Variants in SRBD1 observed in about 807,000 individuals in gnomAD.
The protein encoded by SRBD1 is S1 RNA binding domain 1.
In SRBD1, 88 loss-of-function variants were observed where a neutral mutation model predicts 115.3. The observed-to-expected ratio is 0.76, with a 90% CI of 0.64 to 0.91. SRBD1 has a LOEUF of 0.91. Among genes scored for constraint, SRBD1 ranks in the 40% least tolerant of loss-of-function variants. SRBD1 has a pLI of 0.00. For missense variants in SRBD1, 1,385 were observed against 1,177.4 expected, an observed-to-expected ratio of 1.18 and a Z score of -2.58; for synonymous variants, 509 against 407.7, an observed-to-expected ratio of 1.25 and a Z score of -2.99.
chr2:45,431,019 G>A (rs542018583), intron 16 of SRBD1, among the ~76,000 whole-genome samples: 9 of 152,142 alleles, frequency 5.9e-5, no homozygotes, highest in South Asian at 2.1e-4. Flanking sequence ...ACATTTATGC[G>A]GCCAACAAAC....
Position 45,553,719 on chromosome 2 carries a change from C to A in SRBD1, c.1421G>T (p.Arg474Leu), listed in dbSNP as rs536689903. The change falls in exon 11 of 21, where the codon CGT (arginine) becomes CTT (leucine). Residue 474 changes from arginine (R) to leucine (L), a missense_variant. Arg to Leu is a moderately radical substitution (Grantham distance 102). Transcript: ENST00000263736. ...CATTAACTCTGGCCTTGCAAAGCTACGTGGTCTCCACCTGCAAAACAGAAA... is the reference window on the plus strand; with the variant it reads ...CATTAACTCTGGCCTTGCAAAGCTAAGTGGTCTCCACCTGCAAAACAGAAA... ...RWCIQNRWRP[R>L]SFARPELMKI... The A allele has an allele frequency of 3.1e-6, 5 of 1,589,748 alleles. No homozygotes were observed. The Middle Eastern group carries it at 5.0e-4, about 160-fold the overall frequency.
intron 16 of SRBD1, among the ~76,000 whole-genome samples, chr2:45,459,036 C>T (rs1669235420): frequency 6.6e-6 from 1 of 152,050 alleles, no homozygotes; most frequent in African/African-American, 2.4e-5. Context: ...AACCGATAAC[C>T]AGATCATGCA....
chr2:45,457,007 A>G (rs546422483), intron 16 of SRBD1, among the ~76,000 whole-genome samples: 20 of 151,996 alleles, frequency 1.3e-4, no homozygotes, highest in Non-Finnish European at 2.9e-4. Context: ...AATAAAGGTC[A>G]TGGATATTAA....
intron 14 of SRBD1, among the ~76,000 whole-genome samples, chr2:45,537,135 C>T (rs1389631589): frequency 6.6e-6 from 1 of 152,034 alleles, no homozygotes; most frequent in Non-Finnish European, 1.5e-5. Context: ...TAGGCTCATA[C>T]GACACAGAAA....
chr2:45,552,906 A>G (rs1446903127), intron 11 of SRBD1, among the ~76,000 whole-genome samples: 4 of 152,220 alleles, frequency 2.6e-5, no homozygotes, highest in Admixed American at 6.5e-5. Context: ...TAAAAATTCT[A>G]GAGAGGTTGA....
chr2:45,562,840 A>G, intron 9 of SRBD1, 84 bp from the exon 10 acceptor site: 1 of 801,828 alleles, frequency 1.2e-6, no homozygotes, highest in Non-Finnish European at 1.9e-6. Context: ...CAGCTATATG[A>G]ATTTTTTACT....
chr2:45,412,756 T>C (rs983027495), intron 19 of SRBD1, among the ~76,000 whole-genome samples: 3 of 152,190 alleles, frequency 2.0e-5, no homozygotes, highest in African/African-American at 7.2e-5. Context: ...GCTGAGTTGG[T>C]TGTTTACTTT....
intron 14 of SRBD1, among the ~76,000 whole-genome samples, chr2:45,499,287 T>C (rs944294762): frequency 6.6e-6 from 1 of 152,326 alleles, no homozygotes; most frequent in East Asian, 1.9e-4. Flanking sequence ...TGGTTATCTG[T>C]ATGTCTTCTT....
chr2:45,422,064 T>G (rs1487519169), intron 16 of SRBD1, among the ~76,000 whole-genome samples: 3 of 151,938 alleles, frequency 2.0e-5, no homozygotes, highest in Non-Finnish European at 2.9e-5. Flanking sequence ...AGTATGGCAA[T>G]GTAAAGGCAA....
chr2:45,422,996 A>C (rs1361041126), intron 16 of SRBD1, among the ~76,000 whole-genome samples: 1 of 152,310 alleles, frequency 6.6e-6, no homozygotes, highest in South Asian at 2.1e-4. Flanking sequence ...GAAAATGTTG[A>C]CTCCAATCAG....
intron 1 of SRBD1, among the ~76,000 whole-genome samples, chr2:45,609,826 T>G: frequency 6.6e-6 from 1 of 152,360 alleles, no homozygotes; most frequent in Admixed American, 6.5e-5. Context: ...TCTGTAATTA[T>G]TTTTATTTTA....
intron 14 of SRBD1, among the ~76,000 whole-genome samples, chr2:45,523,144 G>A (rs1249605721): frequency 1.3e-5 from 2 of 151,418 alleles, no homozygotes; most frequent in African/African-American, 2.4e-5. Flanking sequence ...AAATAAAAAT[G>A]AAAACACAAC....
intron 19 of SRBD1, among the ~76,000 whole-genome samples, chr2:45,393,595 T>A (rs1304116732): frequency 6.6e-6 from 1 of 152,198 alleles, no homozygotes; most frequent in Non-Finnish European, 1.5e-5. Context: ...TTAGCCAGGA[T>A]GGTCTCGATC....
At chr2:45,434,421 C>T (rs115120954) in intron 16 of SRBD1, among the ~76,000 whole-genome samples, 1 of 152,316 alleles carries the variant, frequency 6.6e-6, no homozygotes, top group African/African-American at 2.4e-5. Context: ...GCTTTTCTGT[C>T]CCAGCCCTCA....
At chr2:45,604,257 C>G (rs1209671937) in intron 2 of SRBD1, among the ~76,000 whole-genome samples, 1 of 151,782 alleles carries the variant, frequency 6.6e-6, no homozygotes, top group Admixed American at 6.6e-5. Flanking sequence ...CTTCCAGTGG[C>G]CTCCCAACCC....
At position 45,442,152 on chromosome 2, in the gene SRBD1, A is replaced by G. The variant is rs1342196743; in HGVS notation, c.2050-22258T>C. Among the ~76,000 whole-genome samples the G allele has an allele frequency of 2.6e-5, 4 of 152,210 alleles. No individual in the cohort carries two copies. The East Asian group carries it at 7.7e-4, about 29-fold the overall frequency. ...TAGAACCGGTATGCAAAGACACACT[A>G]GGAAGTCCTGACATGTCAGCTCCCA... On this transcript the variant is annotated intron_variant, in intron 16 of 20. Coordinates refer to ENST00000263736, the MANE Select transcript of SRBD1 (RefSeq NM_018079.5).
At chr2:45,425,647 G>A (rs1668129409) in intron 16 of SRBD1, among the ~76,000 whole-genome samples, 2 of 152,064 alleles carry the variant, frequency 1.3e-5, no homozygotes, top group Non-Finnish European at 2.9e-5. Flanking sequence ...GTTAGACAGT[G>A]GGTACAGCCC....
chr2:45,452,488 C>T (rs1204404562), intron 16 of SRBD1, among the ~76,000 whole-genome samples: 2 of 152,048 alleles, frequency 1.3e-5, no homozygotes, highest in African/African-American at 4.8e-5. Context: ...TTTAACCTTT[C>T]CCAAAGAGCT....
At chr2:45,551,384 T>G in intron 11 of SRBD1, 102 bp from the exon 12 acceptor site, 1 of 1,172,400 alleles carries the variant, frequency 8.5e-7, no homozygotes, top group South Asian at 1.5e-5. Context: ...AAAGGATAAT[T>G]TATTATAACA....
Sources: gnomAD v4.1 joint callset for allele counts (sites outside exome capture counted in the v4.1 genomes callset) on GRCh38, gnomAD v4.1.1 for gene constraint, MANE v1.5 for transcripts, NCBI Gene and HGNC (gene_info 2026-07-23, HGNC 2026-07-21) for gene names.